The following CCSER2 variants were observed in gnomAD, a reference collection of about 807,000 sequenced individuals.
CCSER2 encodes serine-rich coiled-coil domain-containing protein 2.
A neutral mutation model predicts 92.3 loss-of-function variants in CCSER2; 46 were observed. That is an observed-to-expected ratio of 0.50 (90% CI 0.39 to 0.64). CCSER2 has a LOEUF of 0.64. CCSER2 is among the 30% of genes least tolerant of loss of function. CCSER2 has a pLI of 0.00. For synonymous variants in CCSER2, 433 were observed against 431.4 expected (o/e 1.00, Z -0.04); for missense variants, 1,244 against 1,238.9 (o/e 1.00, Z -0.06).
chr10:84,382,097 T>C (rs2133216759), intron 3 of CCSER2, among the ~76,000 whole-genome samples: 2 of 152,318 alleles, frequency 1.3e-5, no homozygotes, highest in African/African-American at 4.8e-5. Flanking sequence ...TATTTTGCTT[T>C]GTATCCTGCT....
At chr10:84,493,585 G>C (rs1252817174) in intron 9 of CCSER2, among the ~76,000 whole-genome samples, 1 of 152,154 alleles carries the variant, frequency 6.6e-6, no homozygotes, top group Admixed American at 6.5e-5. Flanking sequence ...GCTAAGCAAG[G>C]GGTGGATTAT....
intron 6 of CCSER2, among the ~76,000 whole-genome samples, chr10:84,440,639 G>A (rs1286953688): frequency 6.6e-6 from 1 of 152,108 alleles, no homozygotes. Flanking sequence ...CCATTCTTTC[G>A]ATAGCATGTC....
At chr10:84,461,281 G>A (rs1846085653) in intron 6 of CCSER2, among the ~76,000 whole-genome samples, 1 of 152,144 alleles carries the variant, frequency 6.6e-6, no homozygotes, top group Admixed American at 6.6e-5. Flanking sequence ...GAGAGCATAT[G>A]TTTGGTGTAT....
intron 3 of CCSER2, among the ~76,000 whole-genome samples, chr10:84,383,543 C>T (rs943609641): frequency 6.6e-6 from 1 of 152,116 alleles, no homozygotes; most frequent in African/African-American, 2.4e-5. Flanking sequence ...ATCTCCTGAC[C>T]TCATGATCTA....
rs1183571212 is a variant in CCSER2, at chr10:84,332,430, A to AT, written c.-40+3623dup. Among the ~76,000 whole-genome samples, 575 of 72,850 alleles carry AT rather than the reference A, an allele frequency of 7.9e-3. 24 individuals carry two copies. The highest frequency in any genetic ancestry group is 0.029 in the East Asian group (63 of 2,154). 47.8% of individuals were successfully genotyped at this position (72,850 alleles called of 152,430 possible). On this transcript the variant is annotated intron_variant, in intron 1 of 9. Transcript: ENST00000372088. ...TATTTTTTTATATATATATATATAT[A>AT]TATATATTTTTTTTTTTTTTTTTTT...
intron 5 of CCSER2, among the ~76,000 whole-genome samples, chr10:84,427,018 TAG>T (rs1347487378): frequency 6.6e-6 from 1 of 152,226 alleles, no homozygotes; most frequent in Non-Finnish European, 1.5e-5. Context: ...TGTATAAATA[TAG>T]TACTGTGATT....
chr10:84,371,277 T>G lies in CCSER2; in HGVS notation c.225T>G (p.Cys75Trp), dbSNP rs1379965173. ...GGAAAGCAAATAAATATCAGCTTTG[T>G]GCACAAGGTGTCGAAGAGCCTAACA... ...NWRKANKYQL[C>W]AQGVEEPNNT... Residue 75 changes from cysteine to tryptophan, a missense_variant, in exon 2 of 10, where the codon TGT becomes TGG. By Grantham distance (215) the Cys-to-Trp change is radical. Transcript: ENST00000372088. 2.5e-6 allele frequency: 4 copies of G among 1,613,370 alleles called. No individual in the cohort carries two copies. The highest frequency in any genetic ancestry group is 3.4e-6 in the Non-Finnish European group (4 of 1,179,660).
At chr10:84,457,236 A>ATT (rs1428206986) in intron 6 of CCSER2, among the ~76,000 whole-genome samples, 3 of 65,136 alleles carry the variant, frequency 4.6e-5, no homozygotes, top group Non-Finnish European at 5.7e-5. Flanking sequence ...ATATAAATAT[A>ATT]TTATATATTA....
In CCSER2 at chr10:84,371,301, C is replaced by G. The variant is rs754517028; in HGVS notation, c.249C>G (p.Asn83Lys). The change falls in exon 2 of 10, where the codon AAC (asparagine) becomes AAG (lysine). Residue 83 changes from asparagine (N) to lysine (K), a missense_variant. Physicochemically the swap from Asn to Lys is moderately conservative, Grantham distance 94. Transcript: ENST00000372088. ...QLCAQGVEEP[N>K]NTQNSHDKII... is the part of the protein sequence containing the mutation. Reference sequence around the variant, plus strand: ...GTGCACAAGGTGTCGAAGAGCCTAACAATACTCAAAATTCACATGATAAAA... The same window carrying G: ...GTGCACAAGGTGTCGAAGAGCCTAAGAATACTCAAAATTCACATGATAAAA... The G allele has an allele frequency of 3.7e-6, 6 of 1,613,532 alleles. No homozygotes were observed. The highest frequency in any genetic ancestry group is 1.1e-5 in the South Asian group (1 of 91,046).
intron 9 of CCSER2, among the ~76,000 whole-genome samples, chr10:84,511,893 T>C (rs985399273): frequency 6.6e-6 from 1 of 152,240 alleles, no homozygotes; most frequent in Non-Finnish European, 1.5e-5. Context: ...ACCCAGTGAC[T>C]TTAAAGTCTG....
intron 3 of CCSER2, among the ~76,000 whole-genome samples, chr10:84,400,115 A>T (rs144223898): frequency 6.6e-6 from 1 of 152,016 alleles, no homozygotes; most frequent in Non-Finnish European, 1.5e-5. Flanking sequence ...AGAGTTGTTT[A>T]TATTTTCTTG....
In CCSER2 at chr10:84,335,226, C is replaced by CTTTTTTTTTT. The variant is rs879479939; in HGVS notation, c.-40+6419_-40+6420insTTTTTTTTTT. Among the ~76,000 whole-genome samples the CTTTTTTTTTT allele has an allele frequency of 3.2e-4, 30 of 95,064 alleles. 2 individuals are homozygous for CTTTTTTTTTT. Among genetic ancestry groups the CTTTTTTTTTT allele is most frequent in the Non-Finnish European group, 5.5e-4 (25 of 45,776 alleles). The allele number at this position is 95,064 out of a possible 152,430, so 62.4% of individuals were successfully genotyped here. A position where few individuals can be genotyped will look rare whatever the true frequency, so the allele number is the denominator to read the frequency against. On this transcript the variant is annotated intron_variant, in intron 1 of 9. Coordinates refer to ENST00000372088, the MANE Select transcript of CCSER2 (RefSeq NM_001284240.2). ...TCCCCAGCATTCTACTTCTCTCTCT[C>CTTTTTTTTTT]TCTTTTTTTTTTTTTTTTTTTTTTT...
chr10:84,425,029 T>A, intron 4 of CCSER2: 1 of 980,932 alleles, frequency 1.0e-6, no homozygotes, highest in Non-Finnish European at 1.2e-6. Context: ...TGCTCAGATA[T>A]GTGAGGAAAA....
chr10:84,365,678 A>G (rs1845741130), intron 1 of CCSER2, among the ~76,000 whole-genome samples: 1 of 152,168 alleles, frequency 6.6e-6, no homozygotes, highest in Admixed American at 6.5e-5. Flanking sequence ...TTGTGCCTCT[A>G]AGTTATTAAT....
chr10:84,406,151 A>G (rs1416180398), intron 3 of CCSER2, among the ~76,000 whole-genome samples: 2 of 152,228 alleles, frequency 1.3e-5, no homozygotes, highest in South Asian at 2.1e-4. Context: ...TGCCGAGTGA[A>G]TGAAGTCATT....
intron 1 of CCSER2, among the ~76,000 whole-genome samples, chr10:84,368,840 C>T (rs1188081062): frequency 1.3e-5 from 2 of 152,032 alleles, no homozygotes; most frequent in East Asian, 3.9e-4. Context: ...ATCCCTCTCC[C>T]ATCATCCCCC....
At chr10:84,428,202 A>C (rs1377613918) in intron 5 of CCSER2, among the ~76,000 whole-genome samples, 1 of 152,208 alleles carries the variant, frequency 6.6e-6, no homozygotes, top group Non-Finnish European at 1.5e-5. Context: ...CCTGGAAGAC[A>C]AATTTTCCAC....
intron 3 of CCSER2, among the ~76,000 whole-genome samples, chr10:84,388,768 A>G (rs915926557): frequency 1.5e-4 from 23 of 152,138 alleles, no homozygotes; most frequent in Admixed American, 4.6e-4. Flanking sequence ...GGTGTGTGCA[A>G]CCTAGATCCC....
rs958629843 is a variant in CCSER2 at position 84,447,607 on chromosome 10, C to T, written c.2064+8900C>T. ...CTTTTAGAAATCCTTGTTTGAAAAT[C>T]CTTTCTTGCTCTGAGGCCATAAAAA... On this transcript the variant is annotated intron_variant, in intron 6 of 9. Transcript: ENST00000372088. Among the ~76,000 whole-genome samples, 3 of 152,236 alleles carry T rather than the reference C, an allele frequency of 2.0e-5. No individual in the cohort carries two copies. The South Asian group carries it at 6.2e-4, about 32-fold the overall frequency.
Sources: gnomAD v4.1 joint callset for allele counts (sites outside exome capture counted in the v4.1 genomes callset) on GRCh38, gnomAD v4.1.1 for gene constraint, MANE v1.5 for transcripts, NCBI Gene and HGNC (gene_info 2026-07-23, HGNC 2026-07-21) for gene names.